Variants in COQ10B observed in about 807,000 individuals in gnomAD.
COQ10B encodes coenzyme Q10B.
In COQ10B, 12 loss-of-function variants were observed where a neutral mutation model predicts 27.6. The ratio of observed to expected loss-of-function variants is 0.43; its 90% CI spans 0.28 to 0.70. The LOEUF (loss-of-function observed/expected upper bound fraction) is 0.70, where lower values mean the gene tolerates loss of function less well. Among genes scored for constraint, COQ10B ranks in the 30% least tolerant of loss-of-function variants. The pLI is 0.17. For missense variants in COQ10B, 278 were observed against 288.7 expected (o/e 0.96, Z 0.27); for synonymous variants, 115 against 103.0 (o/e 1.12, Z -0.71).
At chr2:197,471,236 T>C (rs1443084503) in intron 4 of COQ10B, among the ~76,000 whole-genome samples, 2 of 152,044 alleles carry the variant, frequency 1.3e-5, no homozygotes, top group Admixed American at 6.6e-5. Context: ...TCTGCTTCCC[T>C]GGCTCAAGTG....
chr2:197,469,928 A>G (rs1422442658), intron 3 of COQ10B, 142 bp from the exon 4 acceptor site: 3 of 460,666 alleles, frequency 6.5e-6, no homozygotes, highest in Non-Finnish European at 1.2e-5. Flanking sequence ...CAAGCTAAAA[A>G]TTAGATATCT....
chr2:197,467,442 A>G (rs1048868879), intron 3 of COQ10B, among the ~76,000 whole-genome samples: 2 of 151,198 alleles, frequency 1.3e-5, no homozygotes, highest in East Asian at 2.0e-4. Context: ...CAATGGCGCA[A>G]TCTCAGCTCA....
intron 1 of COQ10B, 59 bp downstream of exon 1, chr2:197,453,723 G>A (rs1459839522): frequency 1.4e-6 from 2 of 1,427,210 alleles, no homozygotes; most frequent in Admixed American, 1.7e-5. Flanking sequence ...TGCCGAGTTG[G>A]GGGACCGGAA....
chr2:197,473,630 G>C, intron 4 of COQ10B, 127 bp from the exon 5 acceptor site: 1 of 590,696 alleles, frequency 1.7e-6, no homozygotes, highest in Non-Finnish European at 2.7e-6. Context: ...AGGCTGCAGT[G>C]AGCCGCAATT....
chr2:197,462,389 A>T (rs913254975), intron 2 of COQ10B, 150 bp from the exon 3 acceptor site: 17 of 506,086 alleles, frequency 3.4e-5, no homozygotes, highest in Non-Finnish European at 5.8e-5. Flanking sequence ...TGTTGCTTTG[A>T]GGTCATTGAT....
At chr2:197,462,899 T>C (rs966342225) in intron 3 of COQ10B, among the ~76,000 whole-genome samples, 168 bp downstream of exon 3, 5 of 152,358 alleles carry the variant, frequency 3.3e-5, no homozygotes, top group African/African-American at 1.2e-4. Context: ...AGCATTATTC[T>C]TTCCAAATAG....
chr2:197,464,360 G>C (rs2085801482), intron 3 of COQ10B, among the ~76,000 whole-genome samples: 1 of 152,076 alleles, frequency 6.6e-6, no homozygotes, highest in Admixed American at 6.6e-5. Context: ...TTCTTGGTAA[G>C]TGGCCAGAGC....
At chr2:197,464,052 C>CCT (rs1574582764) in intron 3 of COQ10B, among the ~76,000 whole-genome samples, 1 of 67,434 alleles carries the variant, frequency 1.5e-5, no homozygotes, top group East Asian at 4.1e-4. Context: ...TATATATATA[C>CCT]GTATATATAT....
rs536602838 is a variant in COQ10B at position 197,453,558 on chromosome 2, A to G, written c.-3A>G. 4.2e-5 allele frequency: 68 copies of G among 1,612,230 alleles called. No homozygotes were observed. In the East Asian group the frequency reaches 1.4e-3, roughly 33 times the overall value. ...GGTGACGACCGGCTTCGGAGAGTCT[A>G]TCATGGCAGCTCGGACTGGTCATAC... On this transcript the variant is annotated 5_prime_UTR_variant, in exon 1 of 5. Coordinates refer to ENST00000263960, the MANE Select transcript of COQ10B (RefSeq NM_025147.5).
chr2:197,462,682 T>C lies in COQ10B; in HGVS notation c.398T>C (p.Leu133Ser), dbSNP rs2085774909. Reference sequence around the variant, plus strand: ...TTAGAAATTGGATTTCCACCTGTGTTGGAGCGATATACATCAGTAGTAACC... The same window carrying C: ...TTAGAAATTGGATTTCCACCTGTGTCGGAGCGATATACATCAGTAGTAACC... ...TRLEIGFPPVLERYTSVVTLV... is the reference protein window; with the variant it reads ...TRLEIGFPPVSERYTSVVTLV... Residue 133 changes from leucine (L) to serine (S), a missense_variant, in exon 3 of 5, where the codon TTG (leucine) becomes TCG (serine). Physicochemically the swap from Leu to Ser is moderately radical, Grantham distance 145. Transcript: ENST00000263960. The C allele has an allele frequency of 6.2e-7, 1 of 1,603,676 alleles. No individual in the cohort carries two copies. The highest frequency in any genetic ancestry group is 8.5e-7 in the Non-Finnish European group (1 of 1,176,118).
intron 4 of COQ10B, among the ~76,000 whole-genome samples, chr2:197,473,107 T>C (rs1355236339): frequency 2.0e-5 from 3 of 152,162 alleles, no homozygotes; most frequent in African/African-American, 7.2e-5. Context: ...TGTAAGCTTA[T>C]TGTGCCAGCA....
At chr2:197,470,908 T>C (rs890606243) in intron 4 of COQ10B, among the ~76,000 whole-genome samples, 1 of 151,828 alleles carries the variant, frequency 6.6e-6, no homozygotes, top group Non-Finnish European at 1.5e-5. Flanking sequence ...CAAATAAAAA[T>C]AAAAATAAAA....
intron 1 of COQ10B, 21 bp downstream of exon 1, chr2:197,453,685 TGAGAC>T (rs764899168): frequency 1.3e-6 from 2 of 1,597,836 alleles, no homozygotes; most frequent in South Asian, 1.1e-5. Context: ...GCGGGGGCGC[TGAGAC>T]GAGAGTAGTT....
intron 3 of COQ10B, among the ~76,000 whole-genome samples, chr2:197,463,188 T>C (rs1193070767): frequency 6.6e-6 from 1 of 152,036 alleles, no homozygotes; most frequent in Non-Finnish European, 1.5e-5. Context: ...GTAGAAAAGA[T>C]ATAGGCATAG....
Position 197,470,119 on chromosome 2 carries a change from G to GT in COQ10B, c.501dup (p.Ser168Ter). 1 of 1,613,450 alleles carries GT rather than the reference G, an allele frequency of 6.2e-7. No individual in the cohort carries two copies. The highest frequency in any genetic ancestry group is 8.5e-7 in the Non-Finnish European group (1 of 1,179,570). On this transcript the variant is annotated frameshift_variant, in exon 4 of 5. Coordinates refer to ENST00000263960, the MANE Select transcript of COQ10B (RefSeq NM_025147.5). LOFTEE classifies it high-confidence loss of function. ...TTCAATCATTTGGAGACTATTTGGC[G>GT]TTTTAGCCCAGGTCTTCCTGGCTAC...
intron 3 of COQ10B, among the ~76,000 whole-genome samples, chr2:197,466,839 T>C (rs2085829200): frequency 6.6e-6 from 1 of 152,092 alleles, no homozygotes; most frequent in South Asian, 2.1e-4. Context: ...TCCTTCCCCC[T>C]ATTTTTTCAT....
rs1281088824 is a variant in COQ10B, at chr2:197,456,006, G to A, written c.104+2342G>A. 2.6e-5 allele frequency among the ~76,000 whole-genome samples: 4 copies of A among 152,020 alleles called. No homozygotes were observed. In the East Asian group the frequency reaches 7.7e-4, roughly 29 times the overall value. ...CAGAAGAATGGATAAAGAAAATGTG[G>A]TGTATATATTAATACACGATGGGAA... On this transcript the variant is annotated intron_variant, in intron 1 of 4. Transcript: ENST00000263960.
chr2:197,469,296 C>T lies in COQ10B; in HGVS notation c.448-774C>T, dbSNP rs1215690593. On this transcript the variant is annotated intron_variant, in intron 3 of 4. Transcript: ENST00000263960. ...CATAGCTTACTGCAGCCTCGAACTC[C>T]TGGGCTCAAGTGATCCCCCAACCTT... 2.6e-5 allele frequency among the ~76,000 whole-genome samples: 4 copies of T among 152,260 alleles called. No homozygotes were observed. The East Asian group carries it at 7.7e-4, about 29-fold the overall frequency.
intron 4 of COQ10B, among the ~76,000 whole-genome samples, chr2:197,473,363 G>T (rs181015995): frequency 7.1e-6 from 1 of 141,550 alleles, no homozygotes; most frequent in Non-Finnish European, 1.5e-5. Context: ...AGATCAGCCT[G>T]GGCAACATGG....
Sources: allele counts gnomAD v4.1 joint callset (sites outside exome capture counted in the v4.1 genomes callset), GRCh38; gene constraint gnomAD v4.1.1; transcripts MANE v1.5; gene names NCBI Gene and HGNC (gene_info 2026-07-23, HGNC 2026-07-21).